PCDH15: variants seen among roughly 807,000 people sequenced by gnomAD.
PCDH15 encodes the protein protocadherin related 15.
Under a neutral mutation model 178.5 loss-of-function variants are expected in PCDH15, and 129 were observed. That is an observed-to-expected ratio of 0.72 (90% CI 0.63 to 0.84). The LOEUF is 0.84. PCDH15 is among the 40% of genes least tolerant of loss of function. PCDH15 has a pLI of 0.00. For synonymous variants in PCDH15, 800 were observed against 732.0 expected (o/e 1.09, Z -1.50); for missense variants, 2,230 against 2,099.9 (o/e 1.06, Z -1.21).
intron 1 of PCDH15, among the ~76,000 whole-genome samples, chr10:55,266,825 C>A (rs1283182529): frequency 5.3e-5 from 8 of 152,162 alleles, no homozygotes; most frequent in African/African-American, 1.9e-4. Context: ...AGGGGAAAAC[C>A]ACCTCTGTTC....
At chr10:54,001,767 G>A (rs1407425401) in intron 20 of PCDH15, among the ~76,000 whole-genome samples, 1 of 151,832 alleles carries the variant, frequency 6.6e-6, no homozygotes, top group Non-Finnish European at 1.5e-5. Context: ...CTAATCAAAT[G>A]ACATAGAGTG....
At chr10:54,455,279 T>A (rs2076744461) in intron 3 of PCDH15, among the ~76,000 whole-genome samples, 1 of 152,118 alleles carries the variant, frequency 6.6e-6, no homozygotes, top group South Asian at 2.1e-4. Context: ...GCTGTAAAGA[T>A]ACCCAAAAAT....
intron 13 of PCDH15, among the ~76,000 whole-genome samples, chr10:54,181,228 T>G (rs1591003241): frequency 6.6e-6 from 1 of 152,158 alleles, no homozygotes; most frequent in African/African-American, 2.4e-5. Context: ...AAAATGTAGC[T>G]CTCATGGTCC....
chr10:54,532,418 A>G (rs2084020086), intron 2 of PCDH15, among the ~76,000 whole-genome samples: 1 of 152,104 alleles, frequency 6.6e-6, no homozygotes, highest in South Asian at 2.1e-4. Context: ...TTGACTAGGT[A>G]AGGTTTCCCA....
At chr10:55,052,667 G>C (rs1841196946) in intron 2 of PCDH15, among the ~76,000 whole-genome samples, 2 of 151,218 alleles carry the variant, frequency 1.3e-5, no homozygotes, top group Admixed American at 1.3e-4. Context: ...GGTGAGCCGA[G>C]ATCGTGCCAC....
intron 2 of PCDH15, among the ~76,000 whole-genome samples, chr10:54,660,762 A>C (rs1187028953): frequency 6.6e-6 from 1 of 152,154 alleles, no homozygotes; most frequent in East Asian, 1.9e-4. Flanking sequence ...ATAATTTGTC[A>C]CAGTCAAGTG....
At chr10:55,485,574 A>C (rs1206777453) in intron 2 of PCDH15, among the ~76,000 whole-genome samples, 4 of 151,658 alleles carry the variant, frequency 2.6e-5, no homozygotes, top group Non-Finnish European at 4.4e-5. Flanking sequence ...GCCATTATGG[A>C]AAACAGTATG....
intron 15 of PCDH15, among the ~76,000 whole-genome samples, chr10:54,092,755 A>G: frequency 6.6e-6 from 1 of 152,158 alleles, no homozygotes. Context: ...AGAATCAGAG[A>G]ATTATATCTG....
intron 2 of PCDH15, among the ~76,000 whole-genome samples, chr10:55,588,532 C>A (rs1362529301): frequency 6.6e-6 from 1 of 151,958 alleles, no homozygotes; most frequent in Non-Finnish European, 1.5e-5. Context: ...TCTGGTATGA[C>A]AATAACAATT....
chr10:55,390,312 T>G (rs889089741), intron 2 of PCDH15, among the ~76,000 whole-genome samples: 7 of 152,096 alleles, frequency 4.6e-5, no homozygotes, highest in African/African-American at 1.7e-4. Context: ...TTGTGAAGGG[T>G]TTTGGCTTGA....
At chr10:55,048,773 T>G (rs1841079243) in intron 2 of PCDH15, among the ~76,000 whole-genome samples, 2 of 152,096 alleles carry the variant, frequency 1.3e-5, no homozygotes, top group South Asian at 4.1e-4. Context: ...TTATTTTACC[T>G]TTCAGCATTT....
At chr10:54,792,366 T>C (rs760977167) in intron 1 of PCDH15, among the ~76,000 whole-genome samples, 2 of 151,938 alleles carry the variant, frequency 1.3e-5, no homozygotes, top group Non-Finnish European at 2.9e-5. Flanking sequence ...TAGCTGCCAC[T>C]AAATTCATCT....
chr10:55,527,869 C>T (rs1841337724), intron 2 of PCDH15, among the ~76,000 whole-genome samples: 1 of 151,874 alleles, frequency 6.6e-6, no homozygotes, highest in Non-Finnish European at 1.5e-5. Context: ...TTTCTTCTGA[C>T]AACAATGAGG....
intron 10 of PCDH15, among the ~76,000 whole-genome samples, chr10:54,203,744 T>G (rs2134002794): frequency 6.6e-6 from 1 of 152,302 alleles, no homozygotes; most frequent in Non-Finnish European, 1.5e-5. Flanking sequence ...AAGGGTGTAA[T>G]TTTTCCAAGT....
chr10:53,807,739 T>G (rs1191589118), intron 37 of PCDH15, among the ~76,000 whole-genome samples: 5 of 152,152 alleles, frequency 3.3e-5, no homozygotes, highest in Non-Finnish European at 7.4e-5. Flanking sequence ...GTTGTCCCAT[T>G]TAGATATACT....
In PCDH15 at chr10:54,728,498, T is replaced by C. The variant is rs759452638; in HGVS notation, c.-28-64208A>G. ...GAGAACATCATACTGAATCGGCACA[T>C]GCTGGAAGAATTCTTCTTGAGAACT... On this transcript the variant is annotated intron_variant, in intron 1 of 37. Transcript: ENST00000644397. Among the ~76,000 whole-genome samples the C allele has an allele frequency of 1.8e-4, 27 of 151,210 alleles. 1 individual carries two copies. The highest frequency in any genetic ancestry group is 3.1e-4 in the Non-Finnish European group (21 of 67,484).
intron 1 of PCDH15, among the ~76,000 whole-genome samples, chr10:55,175,142 C>T (rs1839443968): frequency 6.6e-6 from 1 of 152,128 alleles, no homozygotes. Context: ...CCAAAGAAGA[C>T]ACAGGAGAAT....
chr10:54,158,641 A>C (rs2045401041), intron 13 of PCDH15, among the ~76,000 whole-genome samples: 1 of 152,236 alleles, frequency 6.6e-6, no homozygotes, highest in South Asian at 2.1e-4. Flanking sequence ...TTGATATAAA[A>C]GGACAAATAT....
At chr10:54,672,706 A>G (rs950079125) in intron 1 of PCDH15, among the ~76,000 whole-genome samples, 27 of 146,180 alleles carry the variant, frequency 1.8e-4, no homozygotes, top group South Asian at 2.2e-4. Flanking sequence ...TTGAAAAGAA[A>G]TGTAATTTAA....
Sources: gnomAD v4.1 joint callset for allele counts (sites outside exome capture counted in the v4.1 genomes callset) on GRCh38, gnomAD v4.1.1 for gene constraint, MANE v1.5 for transcripts, NCBI Gene and HGNC (gene_info 2026-07-23, HGNC 2026-07-21) for gene names.